UNC5D: variants seen among roughly 807,000 people sequenced by gnomAD.
UNC5D encodes the protein netrin receptor UNC5D.
A neutral mutation model predicts 105.4 loss-of-function variants in UNC5D; 39 were observed. The ratio of observed to expected loss-of-function variants is 0.37; its 90% confidence interval spans 0.29 to 0.48. UNC5D has a LOEUF of 0.48. Among genes scored for constraint, UNC5D ranks in the 20% least tolerant of loss-of-function variants. The pLI, the probability that UNC5D is intolerant of heterozygous loss-of-function variation, is 0.98. For missense variants in UNC5D, 991 were observed against 1,202.4 expected (o/e 0.82, Z 2.60); for synonymous variants, 452 against 450.4 (o/e 1.00, Z -0.04).
intron 4 of UNC5D, among the ~76,000 whole-genome samples, chr8:35,678,123 C>T (rs1307134311): frequency 6.6e-6 from 1 of 152,076 alleles, no homozygotes; most frequent in Admixed American, 6.6e-5. Context: ...GTAGACCGTA[C>T]AGCAGGGCCA....
intron 1 of UNC5D, among the ~76,000 whole-genome samples, chr8:35,289,988 A>T (rs1806916000): frequency 6.6e-6 from 1 of 152,142 alleles, no homozygotes; most frequent in Admixed American, 6.6e-5. Context: ...TATAATGGGT[A>T]TCACCTCATA....
At chr8:35,429,947 T>A (rs1480369963) in intron 1 of UNC5D, among the ~76,000 whole-genome samples, 1 of 152,226 alleles carries the variant, frequency 6.6e-6, no homozygotes, top group Non-Finnish European at 1.5e-5. Context: ...GTTCTATAGA[T>A]TTTGACTAAT....
chr8:35,587,565 T>C (rs1397664138), intron 3 of UNC5D, among the ~76,000 whole-genome samples: 2 of 152,180 alleles, frequency 1.3e-5, no homozygotes, highest in Non-Finnish European at 2.9e-5. Flanking sequence ...GTGAAAAGTT[T>C]TGCCCTCATG....
rs1488155840 is a variant in UNC5D at position 35,792,189 on chromosome 8, G to A, written c.*1626G>A. ...ATCCATTTTTTTAAACAAGTTTTTT[G>A]TAGATCCCTTGTAAAATAATAATAA... On this transcript the variant is annotated 3_prime_UTR_variant, in exon 17 of 17. Transcript: ENST00000404895. 6.6e-6 allele frequency: 1 copy of A among 151,994 alleles called. No homozygotes were observed. Among genetic ancestry groups the A allele is most frequent in the Non-Finnish European group, 1.5e-5 (1 of 67,998 alleles). 9.4% of individuals were successfully genotyped at this position (151,994 alleles called of 1,614,324 possible).
intron 15 of UNC5D, among the ~76,000 whole-genome samples, chr8:35,767,347 G>C (rs1262960410): frequency 6.6e-6 from 1 of 152,132 alleles, no homozygotes; most frequent in African/African-American, 2.4e-5. Context: ...AAAATCACAA[G>C]AAGTCTTATT....
chr8:35,293,863 A>G (rs903255402), intron 1 of UNC5D, among the ~76,000 whole-genome samples: 1 of 152,202 alleles, frequency 6.6e-6, no homozygotes. Context: ...ATCCTTAAAT[A>G]TCCTAATGAT....
intron 3 of UNC5D, among the ~76,000 whole-genome samples, chr8:35,593,292 A>G (rs1819292848): frequency 6.6e-6 from 1 of 152,202 alleles, no homozygotes; most frequent in African/African-American, 2.4e-5. Flanking sequence ...AAGAAAGGAC[A>G]CAAAAGTAGA....
chr8:35,792,842 G>T lies in UNC5D; in HGVS notation c.*2279G>T. 3.0e-6 allele frequency: 1 copy of T among 338,644 alleles called. No homozygotes were observed. The highest frequency in any genetic ancestry group is 5.6e-6 in the Non-Finnish European group (1 of 177,966). 21.0% of individuals were successfully genotyped at this position (338,644 alleles called of 1,614,324 possible). ...CATAGGTCTTTTTTTTTAGATGTTTGATACATTTTAAGTATTTTTAAATAG... is the reference window on the plus strand; with the variant it reads ...CATAGGTCTTTTTTTTTAGATGTTTTATACATTTTAAGTATTTTTAAATAG... On this transcript the variant is annotated 3_prime_UTR_variant, in exon 17 of 17. Transcript: ENST00000404895.
chr8:35,299,397 A>G (rs938748721), intron 1 of UNC5D, among the ~76,000 whole-genome samples: 2 of 152,232 alleles, frequency 1.3e-5, no homozygotes, highest in East Asian at 3.9e-4. Context: ...TTTCACAGGC[A>G]GTGAGGAACT....
intron 1 of UNC5D, among the ~76,000 whole-genome samples, chr8:35,298,777 T>C (rs778277928): frequency 1.3e-5 from 2 of 152,178 alleles, no homozygotes; most frequent in African/African-American, 4.8e-5. Flanking sequence ...GAAGGATATA[T>C]ACTTGGCAGT....
intron 14 of UNC5D, among the ~76,000 whole-genome samples, chr8:35,766,648 G>A (rs1436815255): frequency 6.6e-6 from 1 of 152,188 alleles, no homozygotes; most frequent in African/African-American, 2.4e-5. Flanking sequence ...CTGAGCTCTT[G>A]CAGTGCGGTT....
At chr8:35,528,853 G>T (rs1814099189) in intron 1 of UNC5D, among the ~76,000 whole-genome samples, 1 of 149,504 alleles carries the variant, frequency 6.7e-6, no homozygotes. Context: ...CTTCTTTTGA[G>T]AAGTGTCTGT....
intron 3 of UNC5D, among the ~76,000 whole-genome samples, chr8:35,571,780 A>G (rs1349043724): frequency 6.6e-6 from 1 of 152,234 alleles, no homozygotes; most frequent in East Asian, 1.9e-4. Context: ...CTTCTTTTAA[A>G]GATTGGTTTT....
chr8:35,657,116 A>ATATG (rs1184210302), intron 4 of UNC5D, among the ~76,000 whole-genome samples: 1 of 124,740 alleles, frequency 8.0e-6, no homozygotes, highest in East Asian at 2.3e-4. Flanking sequence ...ATATATATAT[A>ATATG]TATATATGCC....
At chr8:35,504,150 T>G (rs1812155766) in intron 1 of UNC5D, among the ~76,000 whole-genome samples, 2 of 151,712 alleles carry the variant, frequency 1.3e-5, no homozygotes, top group African/African-American at 4.8e-5. Flanking sequence ...CTCACGGGGG[T>G]TTGATGAGAG....
At chr8:35,627,474 T>G (rs1335742348) in intron 4 of UNC5D, among the ~76,000 whole-genome samples, 1 of 152,196 alleles carries the variant, frequency 6.6e-6, no homozygotes, top group Non-Finnish European at 1.5e-5. Context: ...TGGTAAATAA[T>G]TTATAGTATG....
At chr8:35,271,259 A>C (rs960282662) in intron 1 of UNC5D, among the ~76,000 whole-genome samples, 1 of 146,782 alleles carries the variant, frequency 6.8e-6, no homozygotes, top group Non-Finnish European at 1.5e-5. Flanking sequence ...ATGTATAGGT[A>C]TACATATGTA....
chr8:35,406,232 T>G (rs887061694), intron 1 of UNC5D, among the ~76,000 whole-genome samples: 1 of 152,208 alleles, frequency 6.6e-6, no homozygotes, highest in African/African-American at 2.4e-5. Flanking sequence ...ATATGTTGAA[T>G]GCCAAACCAA....
intron 4 of UNC5D, among the ~76,000 whole-genome samples, chr8:35,641,387 A>AAAAAAAAAAACAAAAG (rs1822727838): frequency 7.2e-6 from 1 of 139,336 alleles, no homozygotes; most frequent in Non-Finnish European, 1.6e-5. Flanking sequence ...AAAAAAAAAG[A>AAAAAAAAAAACAAAAG]AAAAAAAAAA....
Sources: allele counts gnomAD v4.1 joint callset (sites outside exome capture counted in the v4.1 genomes callset), GRCh38; gene constraint gnomAD v4.1.1; transcripts MANE v1.5; gene names NCBI Gene and HGNC (gene_info 2026-07-23, HGNC 2026-07-21).